Variants in LCMT1 observed in about 807,000 individuals in gnomAD.
LCMT1 encodes [Phosphatase 2A protein]-leucine-carboxy methyltransferase 1.
Under a neutral mutation model 47.7 loss-of-function variants are expected in LCMT1, and 32 were observed. That is an observed-to-expected ratio of 0.67 (90% CI 0.51 to 0.90). The LOEUF is 0.90. Among genes scored for constraint, LCMT1 ranks in the 40% least tolerant of loss-of-function variants. The pLI, the probability that LCMT1 is intolerant of heterozygous loss-of-function variation, is 0.00. For synonymous variants in LCMT1, 152 were observed against 149.7 expected, an observed-to-expected ratio of 1.02 and a Z score of -0.11; for missense variants, 375 against 415.2, an observed-to-expected ratio of 0.90 and a Z score of 0.84.
chr16:25,152,479 G>A (rs1476379632), intron 5 of LCMT1, among the ~76,000 whole-genome samples: 5 of 152,126 alleles, frequency 3.3e-5, no homozygotes, highest in African/African-American at 9.7e-5. Context: ...TACCATGAAG[G>A]AATTTTCAAC....
chr16:25,173,675 C>T (rs1961841590), intron 9 of LCMT1, among the ~76,000 whole-genome samples: 2 of 151,762 alleles, frequency 1.3e-5, no homozygotes, highest in African/African-American at 2.4e-5. Flanking sequence ...CGGACTTTTC[C>T]TCCATAGTGT....
intron 4 of LCMT1, among the ~76,000 whole-genome samples, chr16:25,149,684 C>G (rs1466430926): frequency 2.6e-5 from 4 of 152,182 alleles, no homozygotes; most frequent in African/African-American, 9.7e-5. Context: ...AAGGCCAAGG[C>G]TGGTGGATTG....
chr16:25,122,376 G>A (rs947966187), intron 1 of LCMT1, among the ~76,000 whole-genome samples: 2 of 152,132 alleles, frequency 1.3e-5, no homozygotes, highest in African/African-American at 4.8e-5. Flanking sequence ...CACAATCTTG[G>A]GTCACTGCAG....
chr16:25,156,563 A>G (rs932998925), intron 5 of LCMT1, among the ~76,000 whole-genome samples: 4 of 152,180 alleles, frequency 2.6e-5, no homozygotes, highest in Non-Finnish European at 5.9e-5. Flanking sequence ...GGAACAGATG[A>G]TCTCAGCCAG....
At chr16:25,161,450 G>A (rs559021214) in intron 6 of LCMT1, among the ~76,000 whole-genome samples, 1 of 151,924 alleles carries the variant, frequency 6.6e-6, no homozygotes, top group African/African-American at 2.4e-5. Flanking sequence ...CCACTTCCCA[G>A]GTTCAAGTGA....
intron 1 of LCMT1, among the ~76,000 whole-genome samples, chr16:25,113,723 C>T (rs1344272037): frequency 6.6e-6 from 1 of 152,220 alleles, no homozygotes; most frequent in Admixed American, 6.5e-5. Context: ...GTAACTTCCA[C>T]CTGCCGGGTT....
At chr16:25,171,199 C>T (rs1226285970) in intron 9 of LCMT1, among the ~76,000 whole-genome samples, 7 of 151,716 alleles carry the variant, frequency 4.6e-5, no homozygotes, top group African/African-American at 7.3e-5. Flanking sequence ...GAGATCGTGC[C>T]GCTTCACTCC....
intron 4 of LCMT1, among the ~76,000 whole-genome samples, chr16:25,151,334 T>C (rs1398711628): frequency 6.6e-6 from 1 of 152,240 alleles, no homozygotes; most frequent in Non-Finnish European, 1.5e-5. Flanking sequence ...GCTTAGCCAA[T>C]GTCACCTGAG....
intron 2 of LCMT1, among the ~76,000 whole-genome samples, chr16:25,130,826 G>A (rs1013747464): frequency 6.6e-6 from 1 of 152,212 alleles, no homozygotes; most frequent in African/African-American, 2.4e-5. Flanking sequence ...AGAGAAGTCT[G>A]TATCTGGATG....
chr16:25,126,305 T>TA (rs1484624319), intron 1 of LCMT1, among the ~76,000 whole-genome samples: 7 of 152,290 alleles, frequency 4.6e-5, no homozygotes, highest in Non-Finnish European at 1.5e-5. Context: ...AGCCTGCTTC[T>TA]CCCTCTGGCC....
chr16:25,168,005 C>G (rs186299461), intron 7 of LCMT1, among the ~76,000 whole-genome samples: 1 of 152,004 alleles, frequency 6.6e-6, no homozygotes, highest in Non-Finnish European at 1.5e-5. Flanking sequence ...GATCCGCCCA[C>G]CTCGGCCTCC....
At chr16:25,150,813 A>G (rs952810962) in intron 4 of LCMT1, among the ~76,000 whole-genome samples, 2 of 152,092 alleles carry the variant, frequency 1.3e-5, no homozygotes, top group Non-Finnish European at 2.9e-5. Context: ...TTCAAGCTTT[A>G]TTTTTTCTAG....
At chr16:25,152,488 A>G (rs1053039916) in intron 5 of LCMT1, among the ~76,000 whole-genome samples, 2 of 152,198 alleles carry the variant, frequency 1.3e-5, no homozygotes, top group Admixed American at 6.5e-5. Context: ...GGAATTTTCA[A>G]CGACTTTCTA....
intron 7 of LCMT1, among the ~76,000 whole-genome samples, chr16:25,165,671 T>C (rs920164405): frequency 1.6e-4 from 25 of 151,914 alleles, no homozygotes; most frequent in African/African-American, 6.0e-4. Context: ...GCGTGCACCA[T>C]CACACCCAGC....
At chr16:25,155,422 C>T (rs1232172292) in intron 5 of LCMT1, among the ~76,000 whole-genome samples, 2 of 151,950 alleles carry the variant, frequency 1.3e-5, no homozygotes, top group Admixed American at 6.6e-5. Flanking sequence ...TGGTGCACGC[C>T]TATAGTCCTA....
chr16:25,157,495 C>G (rs1013698263), intron 5 of LCMT1, among the ~76,000 whole-genome samples: 1 of 151,906 alleles, frequency 6.6e-6, no homozygotes, highest in Admixed American at 6.6e-5. Flanking sequence ...GAGCCATGAT[C>G]GTGCCACCGC....
At position 25,116,261 on chromosome 16, in the gene LCMT1, A is replaced by G. The variant is rs4787302; in HGVS notation, c.113+4265A>G. Among the ~76,000 whole-genome samples the G allele has an allele frequency of 3.9e-3, 599 of 152,326 alleles. 2 individuals are homozygous for G. Among genetic ancestry groups the G allele is most frequent in the Middle Eastern group, 6.8e-3 (2 of 294 alleles). On this transcript the variant is annotated intron_variant, in intron 1 of 10. Transcript: ENST00000399069. The stretch of plus-strand genomic sequence containing the variant: ...TCTATCCAGTAGCTCTGTCTTTTCT[A>G]GAAGGAGATTTGGCTGGAGTAAGGC...
intron 4 of LCMT1, chr16:25,146,849 C>T (rs1960872793): frequency 6.6e-6 from 1 of 152,144 alleles, no homozygotes; most frequent in South Asian, 2.1e-4. Context: ...ATTTTCTTGA[C>T]CCTGTCATAG....
intron 9 of LCMT1, 41 bp from the exon 10 acceptor site, chr16:25,174,896 A>C (rs146593494): frequency 9.3e-7 from 1 of 1,079,118 alleles, no homozygotes; most frequent in African/African-American, 1.6e-5. Flanking sequence ...TTCATTTTCA[A>C]TGCAGACACT....
Sources: gnomAD v4.1 joint callset for allele counts (sites outside exome capture counted in the v4.1 genomes callset) on GRCh38, gnomAD v4.1.1 for gene constraint, MANE v1.5 for transcripts, NCBI Gene and HGNC (gene_info 2026-07-23, HGNC 2026-07-21) for gene names.